The following PLD5 variants were observed in gnomAD, a reference collection of about 807,000 sequenced individuals.
PLD5 encodes the protein phospholipase D family member 5.
A neutral mutation model predicts 61.1 loss-of-function variants in PLD5; 36 were observed. The observed-to-expected ratio is 0.59, with a 90% CI of 0.45 to 0.78. The LOEUF is 0.78. Among genes scored for constraint, PLD5 ranks in the 30% least tolerant of loss-of-function variants. PLD5 has a pLI of 0.00. For synonymous variants in PLD5, 243 were observed against 242.8 expected, an observed-to-expected ratio of 1.00 and a Z score of -0.01; for missense variants, 515 against 644.4, an observed-to-expected ratio of 0.80 and a Z score of 2.17.
intron 1 of PLD5, among the ~76,000 whole-genome samples, chr1:242,382,227 G>T (rs1387992213): frequency 6.6e-6 from 1 of 151,892 alleles, no homozygotes; most frequent in Non-Finnish European, 1.5e-5. Context: ...TGAGATTCCT[G>T]TTAATATCCA....
chr1:242,217,517 G>T (rs1030973490), intron 5 of PLD5, among the ~76,000 whole-genome samples: 1 of 151,296 alleles, frequency 6.6e-6, no homozygotes, highest in Non-Finnish European at 1.5e-5. Flanking sequence ...CCAGCTACTT[G>T]GGAGGCTGAG....
chr1:242,255,416 A>T (rs1431089055), intron 4 of PLD5, among the ~76,000 whole-genome samples: 2 of 152,210 alleles, frequency 1.3e-5, no homozygotes, highest in African/African-American at 2.4e-5. Flanking sequence ...ATTTGGAGTA[A>T]GCTGTTCAAA....
intron 1 of PLD5, among the ~76,000 whole-genome samples, chr1:242,468,571 A>G (rs543230067): frequency 6.6e-6 from 1 of 152,218 alleles, no homozygotes; most frequent in East Asian, 1.9e-4. Flanking sequence ...TTTTTATTAT[A>G]CTAATTGAGA....
chr1:242,163,411 G>A (rs561372229), intron 5 of PLD5, among the ~76,000 whole-genome samples: 7 of 151,936 alleles, frequency 4.6e-5, no homozygotes, highest in Admixed American at 1.3e-4. Context: ...CCAAAGTGCT[G>A]GGATTACAGG....
At chr1:242,188,886 A>T (rs1255907459) in intron 5 of PLD5, 1 of 152,184 alleles carries the variant, frequency 6.6e-6, no homozygotes, top group African/African-American at 2.4e-5. Flanking sequence ...AACTAACTAC[A>T]CTTTTGCGAC....
intron 5 of PLD5, among the ~76,000 whole-genome samples, chr1:242,159,382 G>GT: frequency 6.6e-6 from 1 of 152,144 alleles, no homozygotes; most frequent in East Asian, 1.9e-4. Flanking sequence ...GTCAGTGTCT[G>GT]CTCCACCCTC....
At chr1:242,483,307 G>T (rs1667847571) in intron 1 of PLD5, among the ~76,000 whole-genome samples, 1 of 152,096 alleles carries the variant, frequency 6.6e-6, no homozygotes, top group African/African-American at 2.4e-5. Context: ...CTGTATTCAG[G>T]AAACCCATCT....
chr1:242,378,365 A>G (rs757641149), intron 1 of PLD5, among the ~76,000 whole-genome samples: 11 of 152,024 alleles, frequency 7.2e-5, no homozygotes, highest in Non-Finnish European at 1.6e-4. Context: ...AAAAGGAGGA[A>G]TGGGGAGCAA....
intron 2 of PLD5, among the ~76,000 whole-genome samples, chr1:242,324,203 T>C (rs1658605109): frequency 6.6e-6 from 1 of 152,078 alleles, no homozygotes; most frequent in Non-Finnish European, 1.5e-5. Context: ...CCGGTTAAAA[T>C]GTAAAAAGAG....
At chr1:242,461,176 C>T (rs1303150469) in intron 1 of PLD5, among the ~76,000 whole-genome samples, 1 of 152,160 alleles carries the variant, frequency 6.6e-6, no homozygotes, top group East Asian at 1.9e-4. Context: ...TGTTCAATAT[C>T]AGCACATAGC....
At chr1:242,350,649 A>G (rs1660424032) in intron 1 of PLD5, among the ~76,000 whole-genome samples, 2 of 152,278 alleles carry the variant, frequency 1.3e-5, no homozygotes, top group South Asian at 4.1e-4. Context: ...AGATGTAGTC[A>G]AGTCAAAGGA....
chr1:242,112,843 C>T (rs1009530928), intron 7 of PLD5, among the ~76,000 whole-genome samples: 1 of 152,176 alleles, frequency 6.6e-6, no homozygotes, highest in African/African-American at 2.4e-5. Context: ...ATTATTCAAG[C>T]ACCTCTGCAT....
intron 5 of PLD5, among the ~76,000 whole-genome samples, chr1:242,125,364 C>T (rs1180804251): frequency 1.3e-5 from 2 of 151,930 alleles, no homozygotes; most frequent in Non-Finnish European, 2.9e-5. Flanking sequence ...TTTTGTCCAC[C>T]TCTCTCAAGG....
intron 2 of PLD5, among the ~76,000 whole-genome samples, chr1:242,341,098 AG>A (rs1454235764): frequency 2.0e-5 from 3 of 152,064 alleles, no homozygotes; most frequent in Admixed American, 2.0e-4. Context: ...GCACTAGAAA[AG>A]CTTGCTGTTG....
chr1:242,235,789 C>T (rs1383666599), intron 4 of PLD5: 1 of 152,184 alleles, frequency 6.6e-6, no homozygotes, highest in Non-Finnish European at 1.5e-5. Flanking sequence ...TCACACACCT[C>T]ACAGAGAGGC....
At chr1:242,346,967 C>A (rs1352004535) in intron 2 of PLD5, among the ~76,000 whole-genome samples, 1 of 152,210 alleles carries the variant, frequency 6.6e-6, no homozygotes, top group Non-Finnish European at 1.5e-5. Flanking sequence ...CCATTCATGT[C>A]CCTGCAAAGG....
intron 1 of PLD5, among the ~76,000 whole-genome samples, chr1:242,456,405 A>G (rs1666945715): frequency 6.6e-6 from 1 of 152,208 alleles, no homozygotes; most frequent in Admixed American, 6.5e-5. Flanking sequence ...TGGCGACTGG[A>G]CTGAAAGGCA....
At chr1:242,499,491 C>G (rs1668482414) in intron 1 of PLD5, among the ~76,000 whole-genome samples, 2 of 152,192 alleles carry the variant, frequency 1.3e-5, no homozygotes, top group Non-Finnish European at 2.9e-5. Context: ...ATCTACATCT[C>G]TATTGATATG....
chr1:242,182,902 GA>G (rs1667615094), intron 5 of PLD5, among the ~76,000 whole-genome samples: 1 of 152,114 alleles, frequency 6.6e-6, no homozygotes, highest in African/African-American at 2.4e-5. Context: ...ACCATCTAAA[GA>G]AAAGGAATGG....
Sources: allele counts gnomAD v4.1 joint callset (sites outside exome capture counted in the v4.1 genomes callset), GRCh38; gene constraint gnomAD v4.1.1; transcripts MANE v1.5; gene names NCBI Gene and HGNC (gene_info 2026-07-23, HGNC 2026-07-21).